Variants in GPC6 observed in about 807,000 individuals in gnomAD.
GPC6 encodes the protein glypican 6.
GPC6 carries 14 observed loss-of-function variants against 55.2 expected under a neutral mutation model. That is an observed-to-expected ratio of 0.25 (90% CI 0.17 to 0.40). The LOEUF is 0.40. GPC6 is among the 10% of genes least tolerant of loss of function. The pLI, the probability that GPC6 is intolerant of heterozygous loss-of-function variation, is 1.00. For missense variants in GPC6, 641 were observed against 708.5 expected, an observed-to-expected ratio of 0.90 and a Z score of 1.08; for synonymous variants, 278 against 259.6, an observed-to-expected ratio of 1.07 and a Z score of -0.68.
chr13:93,667,339 A>G (rs770602943), intron 2 of GPC6, among the ~76,000 whole-genome samples: 3 of 152,092 alleles, frequency 2.0e-5, no homozygotes, highest in Non-Finnish European at 4.4e-5. Flanking sequence ...TAAATCAAAG[A>G]GAGAGAGAGA....
At chr13:94,072,005 G>T (rs1884750951) in intron 4 of GPC6, among the ~76,000 whole-genome samples, 1 of 152,152 alleles carries the variant, frequency 6.6e-6, no homozygotes, top group Non-Finnish European at 1.5e-5. Context: ...CACAACTAAT[G>T]TCTTTTCCTA....
At chr13:93,974,868 G>T (rs2140398149) in intron 3 of GPC6, among the ~76,000 whole-genome samples, 1 of 152,166 alleles carries the variant, frequency 6.6e-6, no homozygotes, top group South Asian at 2.1e-4. Context: ...ATCATGTGAT[G>T]TAGGCACTGC....
chr13:94,138,755 A>G (rs1415301474), intron 4 of GPC6, among the ~76,000 whole-genome samples: 1 of 152,172 alleles, frequency 6.6e-6, no homozygotes, highest in African/African-American at 2.4e-5. Context: ...TACGGGTAGC[A>G]CAGCCAGACA....
At chr13:94,372,434 G>A (rs1159525125) in intron 6 of GPC6, among the ~76,000 whole-genome samples, 2 of 152,206 alleles carry the variant, frequency 1.3e-5, no homozygotes, top group Non-Finnish European at 2.9e-5. Context: ...CCCTTTCCGA[G>A]TCAAAGAAAG....
chr13:93,661,979 T>C (rs2139614102), intron 2 of GPC6, among the ~76,000 whole-genome samples: 1 of 152,288 alleles, frequency 6.6e-6, no homozygotes, highest in East Asian at 1.9e-4. Flanking sequence ...AAGCTTAAAC[T>C]TTGCTTTGCC....
At chr13:93,286,676 A>G (rs1247050297) in intron 1 of GPC6, among the ~76,000 whole-genome samples, 1 of 152,220 alleles carries the variant, frequency 6.6e-6, no homozygotes, top group Non-Finnish European at 1.5e-5. Context: ...CTTGTAGGGA[A>G]GGGGTGGCAG....
At chr13:93,775,072 A>G (rs1284531237) in intron 2 of GPC6, among the ~76,000 whole-genome samples, 1 of 152,202 alleles carries the variant, frequency 6.6e-6, no homozygotes, top group African/African-American at 2.4e-5. Context: ...TAGAACAGTG[A>G]TAACAACACG....
At chr13:93,985,572 G>T (rs1880988469) in intron 3 of GPC6, among the ~76,000 whole-genome samples, 1 of 150,696 alleles carries the variant, frequency 6.6e-6, no homozygotes, top group Admixed American at 6.7e-5. Context: ...CATACCTATA[G>T]TCTCAGCTAC....
chr13:93,219,999 C>T, the GPC6 span, among the ~76,000 whole-genome samples: 2 of 152,120 alleles, frequency 1.3e-5, no homozygotes, highest in African/African-American at 4.8e-5. Context: ...AGAGCAGAGG[C>T]CTGCAGGTAG....
At chr13:93,561,647 A>G (rs1185160516) in intron 2 of GPC6, among the ~76,000 whole-genome samples, 1 of 152,028 alleles carries the variant, frequency 6.6e-6, no homozygotes, top group Non-Finnish European at 1.5e-5. Flanking sequence ...AAGCTAAGTC[A>G]TGCTGGGTGC....
the GPC6 span, among the ~76,000 whole-genome samples, chr13:93,220,358 A>C: frequency 3.9e-5 from 6 of 152,226 alleles, no homozygotes; most frequent in African/African-American, 1.4e-4. Context: ...AATGACTGGC[A>C]AGAAGCATGG....
Position 94,058,192 on chromosome 13 carries a change from A to G in GPC6, c.877+30298A>G, listed in dbSNP as rs192666565. ...TTTTAGAAAATCAGCAATAGTACTC[A>G]ATTGTTATATATATTTATTTGATTT... On this transcript the variant is annotated intron_variant, in intron 4 of 8. Transcript: ENST00000377047. Among the ~76,000 whole-genome samples the G allele has an allele frequency of 2.3e-3, 347 of 152,298 alleles. 1 individual carries two copies. The highest frequency in any genetic ancestry group is 5.1e-3 in the Admixed American group (78 of 15,290).
chr13:93,978,005 C>T (rs778320813), intron 3 of GPC6, among the ~76,000 whole-genome samples: 2 of 152,154 alleles, frequency 1.3e-5, no homozygotes, highest in African/African-American at 2.4e-5. Flanking sequence ...GACCTTGACA[C>T]AGACAGACTA....
chr13:94,005,109 TA>T lies in GPC6; in HGVS notation c.712-22618del, dbSNP rs1054861112. Among the ~76,000 whole-genome samples the T allele has an allele frequency of 8.8e-4, 134 of 152,258 alleles. 1 individual carries two copies. The highest frequency in any genetic ancestry group is 3.4e-3 in the Middle Eastern group (1 of 294). On this transcript the variant is annotated intron_variant, in intron 3 of 8. Coordinates refer to ENST00000377047, the MANE Select transcript of GPC6 (RefSeq NM_005708.5). Reference sequence around the variant, plus strand: ...GAATGGACATCAGGTACACATGGACTAATAACTCCTTGAGCCTAATTAGAAA... The same window carrying T: ...GAATGGACATCAGGTACACATGGACTATAACTCCTTGAGCCTAATTAGAAA...
chr13:94,138,144 A>T (rs1593975027), intron 4 of GPC6, among the ~76,000 whole-genome samples: 1 of 152,318 alleles, frequency 6.6e-6, no homozygotes, highest in Middle Eastern at 3.4e-3. Context: ...GTACCAACAT[A>T]ACATTCAAAG....
chr13:93,913,638 A>T (rs1566600463), intron 3 of GPC6, among the ~76,000 whole-genome samples: 1 of 152,128 alleles, frequency 6.6e-6, no homozygotes, highest in Non-Finnish European at 1.5e-5. Context: ...ACAAAATTTC[A>T]TGTGGGAATT....
chr13:93,373,693 A>G (rs1186388887), intron 1 of GPC6, among the ~76,000 whole-genome samples: 1 of 152,216 alleles, frequency 6.6e-6, no homozygotes, highest in Non-Finnish European at 1.5e-5. Context: ...TTAGTGATTC[A>G]AAAGATAGTA....
intron 4 of GPC6, among the ~76,000 whole-genome samples, chr13:94,176,913 C>T (rs139767026): frequency 1.5e-3 from 227 of 152,300 alleles, no homozygotes; most frequent in African/African-American, 5.3e-3. Flanking sequence ...GAAAACTTCA[C>T]AGAACTTCCG....
intron 3 of GPC6, among the ~76,000 whole-genome samples, chr13:93,886,380 A>G (rs555791809): frequency 1.3e-5 from 2 of 152,136 alleles, no homozygotes; most frequent in South Asian, 4.2e-4. Flanking sequence ...TTATTCTTGG[A>G]GAAAAGATGC....
Sources: allele counts gnomAD v4.1 joint callset (sites outside exome capture counted in the v4.1 genomes callset), GRCh38; gene constraint gnomAD v4.1.1; transcripts MANE v1.5; gene names NCBI Gene and HGNC (gene_info 2026-07-23, HGNC 2026-07-21).